ITIH5: variants seen among roughly 807,000 people sequenced by gnomAD.
The protein encoded by ITIH5 is inter-alpha-trypsin inhibitor heavy chain H5.
A neutral mutation model predicts 77.5 loss-of-function variants in ITIH5; 65 were observed. That is an observed-to-expected ratio of 0.84 (90% CI 0.69 to 1.03). The LOEUF is 1.03. Ranked by LOEUF, ITIH5 falls within the 50% of genes least tolerant of loss-of-function variation. The pLI, the probability that ITIH5 is intolerant of heterozygous loss-of-function variation, is 0.00. For missense variants in ITIH5, 1,208 were observed against 1,213.1 expected (o/e 1.00, Z 0.06); for synonymous variants, 525 against 494.3 (o/e 1.06, Z -0.82).
At chr10:7,610,431 A>C (rs1833221590) in intron 7 of ITIH5, among the ~76,000 whole-genome samples, 1 of 152,170 alleles carries the variant, frequency 6.6e-6, no homozygotes, top group African/African-American at 2.4e-5. Flanking sequence ...CTAAATCAAT[A>C]GTTCAAGTAA....
intron 2 of ITIH5, among the ~76,000 whole-genome samples, chr10:7,643,968 C>T (rs573552794): frequency 7.9e-5 from 12 of 152,176 alleles, no homozygotes; most frequent in Admixed American, 2.6e-4. Context: ...CGGCTGGGCG[C>T]GGTGGCTCAC....
At position 7,628,962 on chromosome 10, in the gene ITIH5, C is replaced by T. The variant is rs535626406; in HGVS notation, c.652+8266G>A. Among the ~76,000 whole-genome samples the T allele has an allele frequency of 3.4e-3, 443 of 129,570 alleles. 30 individuals are homozygous for T. Among genetic ancestry groups the T allele is most frequent in the African/African-American group, 0.012 (418 of 35,668 alleles). The allele number at this position is 129,570 out of a possible 152,430, so 85.0% of individuals were successfully genotyped here. ...ATGTGTCCATGTTGTAGCGTGTGTCCGTGTTGTAGCATGTGTCCGTGTTGT... is the reference window on the plus strand; with the variant it reads ...ATGTGTCCATGTTGTAGCGTGTGTCTGTGTTGTAGCATGTGTCCGTGTTGT... On this transcript the variant is annotated intron_variant, in intron 5 of 13. Coordinates refer to ENST00000397146, the MANE Select transcript of ITIH5 (RefSeq NM_030569.7).
chr10:7,642,122 T>C (rs774238133), intron 2 of ITIH5, 32 bp from the exon 3 acceptor site: 7 of 1,576,598 alleles, frequency 4.4e-6, no homozygotes, highest in Non-Finnish European at 6.1e-6. Flanking sequence ...GTATCATCGG[T>C]GATGCATGAA....
At chr10:7,654,955 G>C (rs1300363545) in intron 2 of ITIH5, among the ~76,000 whole-genome samples, 2 of 122,542 alleles carry the variant, frequency 1.6e-5, no homozygotes, top group Non-Finnish European at 3.6e-5. Context: ...AGAAAACCAA[G>C]CAAAAAAAAA....
At chr10:7,630,614 T>C (rs1833696427) in intron 5 of ITIH5, among the ~76,000 whole-genome samples, 1 of 152,202 alleles carries the variant, frequency 6.6e-6, no homozygotes, top group Non-Finnish European at 1.5e-5. Context: ...TTCATATGTC[T>C]TCTTTGGAAG....
intron 5 of ITIH5, among the ~76,000 whole-genome samples, chr10:7,634,710 G>A (rs922144342): frequency 6.6e-6 from 1 of 151,794 alleles, no homozygotes; most frequent in Admixed American, 6.6e-5. Flanking sequence ...TGAAAATTAG[G>A]CAAAACACAT....
intron 5 of ITIH5, chr10:7,619,747 A>AG (rs1197384666): frequency 1.7e-5 from 3 of 176,508 alleles, no homozygotes; most frequent in African/African-American, 7.1e-5. Context: ...GAGAACAGCA[A>AG]GGGGGAAATT....
intron 10 of ITIH5, among the ~76,000 whole-genome samples, chr10:7,574,962 C>T (rs557789459): frequency 5.7e-4 from 87 of 152,158 alleles, no homozygotes; most frequent in Admixed American, 9.8e-4. Context: ...TTCAGAAAGC[C>T]ACTTTTCCTG....
In ITIH5 at chr10:7,566,050, CT is replaced by C. The variant is rs779298949; in HGVS notation, c.2506del (p.Ser836AlafsTer11). ...CCTACCCAGCAGTCCGTGGCAGTTG[CT>C]GGAAAGGCCCTCGCTGTTGGCAATG... is the stretch of plus-strand genomic sequence containing the variant. ...FYIANSEGLSSNCHGLLGQFL... is the reference protein window; with the variant it reads ...FYIANSEGLSXNCHGLLGQFL... On this transcript the variant is annotated frameshift_variant, in exon 13 of 14. Transcript: ENST00000397146. LOFTEE classifies it low-confidence loss of function (END_TRUNC). 7.4e-6 allele frequency: 12 copies of C among 1,613,810 alleles called. No individual in the cohort carries two copies. In the African/African-American group the frequency reaches 1.5e-4, roughly 20 times the overall value.
intron 7 of ITIH5, among the ~76,000 whole-genome samples, chr10:7,587,154 A>C (rs1263199899): frequency 1.3e-5 from 2 of 152,200 alleles, no homozygotes; most frequent in Admixed American, 1.3e-4. Context: ...GAAGAGAAGG[A>C]AGGCAGTTTG....
intron 5 of ITIH5, chr10:7,619,614 T>TA (rs1408729572): frequency 6.6e-5 from 26 of 393,592 alleles, no homozygotes; most frequent in Non-Finnish European, 1.3e-4. Flanking sequence ...TCGGGAAACT[T>TA]ACAATCACGC....
intron 7 of ITIH5, among the ~76,000 whole-genome samples, chr10:7,591,884 T>C (rs754795675): frequency 2.0e-4 from 30 of 152,228 alleles, no homozygotes; most frequent in Non-Finnish European, 3.8e-4. Flanking sequence ...TATTTATTTA[T>C]TTTTTGAGAT....
intron 1 of ITIH5, among the ~76,000 whole-genome samples, chr10:7,664,941 C>T (rs1834338019): frequency 6.6e-6 from 1 of 152,176 alleles, no homozygotes; most frequent in Non-Finnish European, 1.5e-5. Flanking sequence ...CGTTAAGTAA[C>T]TCCTCAGTAA....
chr10:7,635,238 G>T (rs946039140), intron 5 of ITIH5, among the ~76,000 whole-genome samples: 3 of 152,222 alleles, frequency 2.0e-5, no homozygotes, highest in African/African-American at 7.2e-5. Flanking sequence ...TTTTGCAACA[G>T]AAAAAAGTCA....
At chr10:7,612,577 C>T (rs1374360890) in intron 7 of ITIH5, among the ~76,000 whole-genome samples, 1 of 151,370 alleles carries the variant, frequency 6.6e-6, no homozygotes, top group Non-Finnish European at 1.5e-5. Flanking sequence ...AGACTGGTTG[C>T]AGTTAATTTA....
At chr10:7,572,190 G>T (rs1832314605) in intron 11 of ITIH5, 4 of 1,207,802 alleles carry the variant, frequency 3.3e-6, no homozygotes, top group African/African-American at 3.2e-5. Context: ...CTCATCTCCG[G>T]GATGTCCCTG....
chr10:7,637,536 C>T, intron 4 of ITIH5, 58 bp from the exon 5 acceptor site: 1 of 1,557,472 alleles, frequency 6.4e-7, no homozygotes. Context: ...GAGCCAGGTT[C>T]CCTCAGTCCC....
At chr10:7,648,186 G>A (rs1834036050) in intron 2 of ITIH5, among the ~76,000 whole-genome samples, 1 of 151,714 alleles carries the variant, frequency 6.6e-6, no homozygotes. Flanking sequence ...AGAGCTTCCA[G>A]TGAGCGGAGA....
intron 7 of ITIH5, 40 bp downstream of exon 7, chr10:7,615,942 A>G: frequency 1.6e-6 from 2 of 1,249,058 alleles, no homozygotes; most frequent in Non-Finnish European, 2.4e-6. Flanking sequence ...TCCCAGGCAA[A>G]AGCGAGAGAG....
Sources: allele counts gnomAD v4.1 joint callset (sites outside exome capture counted in the v4.1 genomes callset), GRCh38; gene constraint gnomAD v4.1.1; transcripts MANE v1.5; gene names NCBI Gene and HGNC (gene_info 2026-07-23, HGNC 2026-07-21).